The following PTPRU variants were observed in gnomAD, a reference collection of about 807,000 sequenced individuals.
The protein encoded by PTPRU is receptor-type tyrosine-protein phosphatase U.
PTPRU carries 69 observed loss-of-function variants against 166.3 expected under a neutral mutation model. That is an observed-to-expected ratio of 0.41 (90% CI 0.34 to 0.51). PTPRU has a LOEUF of 0.51. Among genes scored for constraint, PTPRU ranks in the 20% least tolerant of loss-of-function variants. PTPRU has a pLI of 0.09. For missense variants in PTPRU, 1,657 were observed against 2,013.7 expected, an observed-to-expected ratio of 0.82 and a Z score of 3.39; for synonymous variants, 793 against 814.0, an observed-to-expected ratio of 0.97 and a Z score of 0.44.
chr1:29,260,968 C>A lies in PTPRU; in HGVS notation c.1144+65C>A. 6.9e-7 allele frequency: 1 copy of A among 1,442,040 alleles called. No individual in the cohort carries two copies. Among genetic ancestry groups the A allele is most frequent in the Non-Finnish European group, 9.1e-7 (1 of 1,099,794 alleles). 89.3% of individuals were successfully genotyped at this position (1,442,040 alleles called of 1,614,324 possible). A position where few individuals can be genotyped will look rare whatever the true frequency, so the allele number is the denominator to read the frequency against. On this transcript the variant is annotated intron_variant, in intron 7 of 29. Transcript: ENST00000373779. The surrounding 1 kb of genome is among the most constrained non-coding windows in gnomAD (Gnocchi z 8.3). ...GCCCAGGGCTATGGAGGGGCGCATT[C>A]GAGAGGTAGCGTGGCCTGTGCTTGT... is the stretch of plus-strand genomic sequence containing the variant.
chr1:29,283,726 C>T (rs1388621435), intron 12 of PTPRU: 1 of 581,898 alleles, frequency 1.7e-6, no homozygotes. Context: ...TGCCTCCGAT[C>T]TCATCCCCCT....
intron 7 of PTPRU, among the ~76,000 whole-genome samples, chr1:29,269,671 GA>G (rs370222394): frequency 2.6e-4 from 39 of 152,092 alleles, no homozygotes; most frequent in African/African-American, 8.7e-4. Flanking sequence ...CCATCCCCAT[GA>G]AACTCCCCTC....
chr1:29,241,639 G>C (rs1330696609), intron 1 of PTPRU, among the ~76,000 whole-genome samples: 1 of 151,180 alleles, frequency 6.6e-6, no homozygotes, highest in Non-Finnish European at 1.5e-5. Context: ...CTGTCACCCA[G>C]GCTGGAGTGC....
At chr1:29,275,847 CT>C (rs1243968779) in intron 8 of PTPRU, 91 bp downstream of exon 8, 26 of 1,391,982 alleles carry the variant, frequency 1.9e-5, no homozygotes, top group South Asian at 2.8e-5. Context: ...GTATTTTTTT[CT>C]TTTTTTTGCT....
chr1:29,256,404 C>T (rs967258845), intron 2 of PTPRU, among the ~76,000 whole-genome samples: 1 of 152,222 alleles, frequency 6.6e-6, no homozygotes, highest in African/African-American at 2.4e-5. Context: ...GAAGCCCACT[C>T]CCTTTGCCCC....
intron 7 of PTPRU, among the ~76,000 whole-genome samples, chr1:29,261,446 C>T (rs1685062707): frequency 6.6e-6 from 1 of 152,166 alleles, no homozygotes; most frequent in Non-Finnish European, 1.5e-5. Context: ...TACACCTGTG[C>T]CAGATGAGGG....
rs1051955633 is a variant in PTPRU at position 29,255,417 on chromosome 1, T to C, written c.205+11T>C. ...CGGACCTGCCCCACGGTAAGTCTAC[T>C]CTCCATCGCCATTACCCCTTCTTCT... On this transcript the variant is annotated intron_variant, in intron 2 of 29. Coordinates refer to ENST00000373779, the MANE Select transcript of PTPRU (RefSeq NM_133178.4). 7 of 1,613,912 alleles carry C rather than the reference T, an allele frequency of 4.3e-6. No homozygotes were observed. Among genetic ancestry groups the C allele is most frequent in the Non-Finnish European group, 5.9e-6 (7 of 1,179,834 alleles).
rs1371134020 is a variant in PTPRU, at chr1:29,282,795, A to G, written c.1988A>G (p.His663Arg). 1.2e-6 allele frequency: 2 copies of G among 1,614,002 alleles called. No homozygotes were observed. Among genetic ancestry groups the G allele is most frequent in the African/African-American group, 2.7e-5 (2 of 74,908 alleles). The change falls in exon 12 of 30, where the codon CAC becomes CGC. Residue 663 changes from histidine (H) to arginine (R), a missense_variant. His to Arg is a conservative substitution (Grantham distance 29). Coordinates refer to ENST00000373779, the MANE Select transcript of PTPRU (RefSeq NM_133178.4). ...FEAALARGLV[H>R]YFGAELAASS... ...GCGGCGCTGGCCCGAGGCCTGGTGC[A>G]CTACTTCGGGGCCGAACTGGCGGCC...
intron 18 of PTPRU, among the ~76,000 whole-genome samples, chr1:29,308,566 CAAA>C (rs754278193): frequency 6.3e-5 from 5 of 79,632 alleles, no homozygotes; most frequent in Admixed American, 3.2e-4. Context: ...GTCCCTGTCT[CAAA>C]AAAAAAAAAA....
At chr1:29,294,082 C>CA (rs1686775041) in intron 15 of PTPRU, among the ~76,000 whole-genome samples, 1 of 152,230 alleles carries the variant, frequency 6.6e-6, no homozygotes, top group African/African-American at 2.4e-5. Context: ...GATGCACCTG[C>CA]ACACAAGGTT....
In PTPRU at chr1:29,325,975, G is replaced by GATAC; in HGVS notation, c.*314_*315insATAC. ...ACAAAGGCTCAGGACGGCTGGCTCT[G>GATAC]GGGGACTCAGGCCAAGCCCCTTGGC... On this transcript the variant is annotated 3_prime_UTR_variant, in exon 30 of 30. Coordinates refer to ENST00000373779, the MANE Select transcript of PTPRU (RefSeq NM_133178.4). The GATAC allele has an allele frequency of 2.3e-6, 1 of 441,702 alleles. No homozygotes were observed. The highest frequency in any genetic ancestry group is 3.9e-6 in the Non-Finnish European group (1 of 254,208). The allele number at this position is 441,702 out of a possible 1,614,324, so 27.4% of individuals were successfully genotyped here. A position where few individuals can be genotyped will look rare whatever the true frequency, so the allele number is the denominator to read the frequency against.
chr1:29,276,647 CA>C (rs1332349942), intron 8 of PTPRU, among the ~76,000 whole-genome samples: 2 of 152,160 alleles, frequency 1.3e-5, no homozygotes, highest in East Asian at 3.8e-4. Context: ...ATTTAATGTC[CA>C]TAGGCTCTAT....
In PTPRU at chr1:29,320,765, C is replaced by T. The variant is rs373120664; in HGVS notation, c.3768C>T (p.Tyr1256=). The change falls in exon 26 of 30, where the codon TAC becomes TAT. Residue 1256 remains tyrosine, a synonymous_variant. Coordinates refer to ENST00000373779, the MANE Select transcript of PTPRU (RefSeq NM_133178.4). This position sits in a 1 kb window ranked among gnomAD's most constrained non-coding sequence, Gnocchi z 5.2. ...CGCCCGACTTCTGGCGGCTGGTCTA[C>T]GATTACGGGTGCACCTCCATCGTCA... is the stretch of plus-strand genomic sequence containing the variant. ...STTPDFWRLV[Y]DYGCTSIVML... 3.5e-5 allele frequency: 56 copies of T among 1,608,018 alleles called. No individual in the cohort carries two copies. The highest frequency in any genetic ancestry group is 6.7e-5 in the Admixed American group (4 of 59,768).
Position 29,323,399 on chromosome 1 carries a change from G to A in PTPRU, c.3857G>A (p.Gly1286Asp), listed in dbSNP as rs1263712549. The A allele has an allele frequency of 5.0e-6, 8 of 1,608,972 alleles. No individual in the cohort carries two copies. Among genetic ancestry groups the A allele is most frequent in the African/African-American group, 1.3e-5 (1 of 74,816 alleles). The change falls in exon 27 of 30, where the codon GGC becomes GAC. Residue 1286 changes from glycine (G) to aspartate (D), a missense_variant. This residue lies in a region of PTPRU where 1,190 missense variants were observed against 1,477.4 expected (regional missense o/e 0.81). Coordinates refer to ENST00000373779, the MANE Select transcript of PTPRU (RefSeq NM_133178.4). ...TGCCTGCAGTACTGGCCAGAGCCAGGCCGGCAGCAATATGGCCTCATGGAG... is the reference window on the plus strand; with the variant it reads ...TGCCTGCAGTACTGGCCAGAGCCAGACCGGCAGCAATATGGCCTCATGGAG... The part of the protein sequence containing the change: ...WPCLQYWPEP[G>D]RQQYGLMEVE...
intron 7 of PTPRU, among the ~76,000 whole-genome samples, chr1:29,270,117 C>G (rs184812176): frequency 3.5e-4 from 53 of 152,146 alleles, no homozygotes; most frequent in Non-Finnish European, 7.1e-4. Context: ...AAATATATTG[C>G]TTTAAAAAAT....
Position 29,289,984 on chromosome 1 carries a change from C to CT in PTPRU, c.2319-1885_2319-1884insT, listed in dbSNP as rs1191417569. The stretch of plus-strand genomic sequence containing the variant: ...CCTGCTGAGTCACCCCCAGCAAGTC[C>CT]CTGAGCCTCAATGTCCCCTTCACCA... On this transcript the variant is annotated intron_variant, in intron 14 of 29. Transcript: ENST00000373779. Among the ~76,000 whole-genome samples the CT allele has an allele frequency of 2.0e-5, 3 of 152,190 alleles. No individual in the cohort carries two copies. The East Asian group carries it at 5.8e-4, about 29-fold the overall frequency.
chr1:29,310,400 T>C (rs1031176359), intron 18 of PTPRU, among the ~76,000 whole-genome samples: 19 of 152,072 alleles, frequency 1.2e-4, no homozygotes, highest in Admixed American at 1.1e-3. Flanking sequence ...GGCAGGGCCA[T>C]TGGGGACTCT....
chr1:29,296,504 C>CTTTT (rs1156864962), intron 15 of PTPRU, among the ~76,000 whole-genome samples: 3 of 135,766 alleles, frequency 2.2e-5, no homozygotes, highest in African/African-American at 2.7e-5. Flanking sequence ...CCTTTCCTTT[C>CTTTT]TTTTTTTTTT....
chr1:29,315,533 C>G lies in PTPRU; in HGVS notation c.3363+26C>G. On this transcript the variant is annotated intron_variant, in intron 23 of 29. Coordinates refer to ENST00000373779, the MANE Select transcript of PTPRU (RefSeq NM_133178.4). This position sits in a 1 kb window ranked among gnomAD's most constrained non-coding sequence, Gnocchi z 4.5. ...GTGCGGGGACCTGGCCCTGTCCCCA[C>G]CATTATTACTTCTAGGACTGGAGTT... 3 of 1,613,800 alleles carry G rather than the reference C, an allele frequency of 1.9e-6. No individual in the cohort carries two copies. Among genetic ancestry groups the G allele is most frequent in the South Asian group, 2.2e-5 (2 of 91,068 alleles).
Sources: gnomAD v4.1 joint callset for allele counts (sites outside exome capture counted in the v4.1 genomes callset) on GRCh38, gnomAD v4.1.1 for gene constraint, gnomAD v4.1.1 regional missense constraint, Gnocchi (gnomAD v3.1) non-coding constraint, MANE v1.5 for transcripts, NCBI Gene and HGNC (gene_info 2026-07-23, HGNC 2026-07-21) for gene names.